PPP2R5C: variants seen among roughly 807,000 people sequenced by gnomAD.
PPP2R5C encodes the protein protein phosphatase 2 regulatory subunit B'gamma, also known as serine/threonine-protein phosphatase 2A 56 kDa regulatory subunit gamma isoform.
In PPP2R5C, 7 loss-of-function variants were observed where a neutral mutation model predicts 68.9. That is an observed-to-expected ratio of 0.10 (90% CI 0.06 to 0.19). The LOEUF (loss-of-function observed/expected upper bound fraction) is 0.19. Among genes scored for constraint, PPP2R5C ranks in the 10% least tolerant of loss-of-function variants. The pLI is 1.00. For synonymous variants in PPP2R5C, 210 were observed against 222.2 expected (o/e 0.95, Z 0.49); for missense variants, 348 against 641.3 (o/e 0.54, Z 4.94).
rs572158085 is a variant in PPP2R5C at position 101,882,345 on chromosome 14, C to T, written c.405+74C>T. The T allele has an allele frequency of 2.5e-4, 301 of 1,207,132 alleles. No individual in the cohort carries two copies. Among genetic ancestry groups the T allele is most frequent in the Admixed American group, 2.4e-4 (10 of 42,046 alleles). 74.8% of individuals were successfully genotyped at this position (1,207,132 alleles called of 1,614,324 possible). On this transcript the variant is annotated intron_variant, in intron 3 of 13. Coordinates refer to ENST00000334743, the Ensembl canonical transcript of PPP2R5C. This position sits in a 1 kb window ranked among gnomAD's most constrained non-coding sequence, Gnocchi z 4.9. ...AATGGCCTGGGATCCACAGAGCGGGCGCACTGGTCTGGCCAGATGGACCTC... is the reference window on the plus strand; with the variant it reads ...AATGGCCTGGGATCCACAGAGCGGGTGCACTGGTCTGGCCAGATGGACCTC...
In PPP2R5C at chr14:101,787,403, TATGGGTGGGTGG is replaced by T. The variant is rs371501174; in HGVS notation, c.259+1235_259+1246del. ...AGGGAGGCTGGGTGGATGGTGGATT[TATGGGTGGGTGG>T]ATGGGTGGGTGGATTTACGGGTGGA... is the stretch of plus-strand genomic sequence containing the variant. On this transcript the variant is annotated intron_variant, in intron 3 of 14. Coordinates refer to the PPP2R5C transcript ENST00000328724. Among the ~76,000 whole-genome samples, 1,197 of 151,682 alleles carry T rather than the reference TATGGGTGGGTGG, an allele frequency of 7.9e-3. 12 individuals carry two copies. Among genetic ancestry groups the T allele is most frequent in the African/African-American group, 0.025 (1,053 of 41,352 alleles).
At chr14:101,803,226 A>G (rs2038941731) in intron 3 of PPP2R5C, 1 of 152,244 alleles carries the variant, frequency 6.6e-6, no homozygotes, top group African/African-American at 2.4e-5. Flanking sequence ...CAATAAAAAT[A>G]GTGCTCGCTT....
At chr14:101,822,442 T>C in intron 1 of PPP2R5C, among the ~76,000 whole-genome samples, 1 of 152,212 alleles carries the variant, frequency 6.6e-6, no homozygotes, top group South Asian at 2.1e-4. Context: ...TAAAAGAATC[T>C]AACCAATTCA....
chr14:101,796,995 A>C, intron 3 of PPP2R5C: 1 of 355,282 alleles, frequency 2.8e-6, no homozygotes. Context: ...CGGTGGTATT[A>C]GATACATTCA....
chr14:101,890,648 G>A (rs1255425692), intron 6 of PPP2R5C, among the ~76,000 whole-genome samples: 1 of 151,618 alleles, frequency 6.6e-6, no homozygotes, highest in African/African-American at 2.4e-5. Flanking sequence ...GTACATTTGG[G>A]GTATCATGTA....
intron 2 of PPP2R5C, among the ~76,000 whole-genome samples, chr14:101,873,564 G>A (rs902339116): frequency 1.5e-4 from 23 of 152,148 alleles, no homozygotes; most frequent in Non-Finnish European, 1.5e-4. Context: ...AACAGACACT[G>A]TTCCCAGCCC....
chr14:101,786,175 C>T (rs1367112351), exon 3 of PPP2R5C: 1 of 1,553,920 alleles, frequency 6.4e-7, no homozygotes, highest in Non-Finnish European at 8.7e-7. Context: ...AAACTACCAT[C>T]CTTAAAAGGT....
chr14:101,893,231 A>G (rs2749902), intron 7 of PPP2R5C, 123 bp downstream of exon 9: 68,219 of 600,102 alleles, frequency 0.11, 4,935 homozygotes, highest in African/African-American at 0.26. Flanking sequence ...TAACTTTGGT[A>G]ACAAACTTCT....
chr14:101,773,630 G>A (rs112949724), intron 2 of PPP2R5C, among the ~76,000 whole-genome samples: 29 of 152,230 alleles, frequency 1.9e-4, no homozygotes, highest in Admixed American at 4.6e-4. Flanking sequence ...GACAAGGTAG[G>A]GTAAGATCTT....
At chr14:101,761,256 C>T (rs184929564), upstream of PPP2R5C, among the ~76,000 whole-genome samples, 100 of 152,324 alleles carry the variant, frequency 6.6e-4, 1 homozygote, top group Middle Eastern at 0.014. Context: ...CGCGTTTCGC[C>T]GGCTGCAGAA....
At chr14:101,839,948 A>AT (rs10711996) in intron 1 of PPP2R5C, among the ~76,000 whole-genome samples, 77 of 147,972 alleles carry the variant, frequency 5.2e-4, no homozygotes, top group East Asian at 4.7e-3. Flanking sequence ...TGTTGTTTGG[A>AT]TTTTTTTTTT....
chr14:101,867,797 A>G (rs1315578223), intron 2 of PPP2R5C, among the ~76,000 whole-genome samples: 1 of 134,940 alleles, frequency 7.4e-6, no homozygotes, highest in Non-Finnish European at 1.6e-5. Flanking sequence ...TTAATTAATT[A>G]AAAAGATAAA....
chr14:101,902,527 T>C (rs2045751272), intron 9 of PPP2R5C, among the ~76,000 whole-genome samples: 1 of 152,206 alleles, frequency 6.6e-6, no homozygotes, highest in Non-Finnish European at 1.5e-5. Context: ...TTGAGCGGAT[T>C]TTATTGTGCA....
chr14:101,813,352 G>A (rs988015147), intron 1 of PPP2R5C, among the ~76,000 whole-genome samples: 7 of 152,178 alleles, frequency 4.6e-5, no homozygotes, highest in African/African-American at 1.7e-4. Flanking sequence ...GCATAACTGT[G>A]GTCCAATAAA....
chr14:101,925,204 C>A, exon 14 of PPP2R5C: 1 of 1,614,054 alleles, frequency 6.2e-7, no homozygotes, highest in African/African-American at 1.3e-5. Context: ...GCCTCAGGAC[C>A]CCCACACCAA....
chr14:101,862,398 G>A (rs555325922), intron 2 of PPP2R5C, among the ~76,000 whole-genome samples: 9 of 152,288 alleles, frequency 5.9e-5, no homozygotes, highest in East Asian at 5.8e-4. Context: ...CCAAATGACC[G>A]GTAAAGGTTA....
At chr14:101,872,926 CT>C (rs201696085) in intron 2 of PPP2R5C, among the ~76,000 whole-genome samples, 119 of 144,730 alleles carry the variant, frequency 8.2e-4, no homozygotes, top group Non-Finnish European at 6.6e-4. Context: ...TCTCTTAATT[CT>C]TTTTTTTTTT....
chr14:101,762,255 T>G (rs370978663), intron 1 of PPP2R5C, among the ~76,000 whole-genome samples: 23 of 151,590 alleles, frequency 1.5e-4, no homozygotes, highest in African/African-American at 5.1e-4. Context: ...GCCGTGGGCT[T>G]GGGCGGGCAG....
In PPP2R5C at chr14:101,906,464, C is replaced by T. The variant is rs758970139; in HGVS notation, c.1086C>T (p.Asn362=). ...ACATCATGAGTTTAATCAGTGACAA[C>T]GCAGCGAAGATTCTGCCCATCATGT... The change falls in exon 10 of 14, where the codon AAC becomes AAT. Residue 362 remains asparagine (N), a synonymous_variant. Transcript: ENST00000334743. The surrounding 1 kb of genome is among the most constrained non-coding windows in gnomAD (Gnocchi z 4.0). 7.4e-6 allele frequency: 12 copies of T among 1,613,506 alleles called. No individual in the cohort carries two copies. The highest frequency in any genetic ancestry group is 3.3e-5 in the South Asian group (3 of 90,934).
Sources: gnomAD v4.1 joint callset for allele counts (sites outside exome capture counted in the v4.1 genomes callset) on GRCh38, gnomAD v4.1.1 for gene constraint, Gnocchi (gnomAD v3.1) non-coding constraint, MANE v1.5 for transcripts, NCBI Gene and HGNC (gene_info 2026-07-23, HGNC 2026-07-21) for gene names.